Variants in YWHAE observed in about 807,000 individuals in gnomAD.
YWHAE encodes 14-3-3 protein epsilon.
A neutral mutation model predicts 30.1 loss-of-function variants in YWHAE; 4 were observed. That is an observed-to-expected ratio of 0.13 (90% CI 0.07 to 0.30). YWHAE has a LOEUF of 0.30. Ranked by LOEUF, YWHAE falls within the 10% of genes least tolerant of loss-of-function variation. The probability of loss-of-function intolerance (pLI) is 1.00; values close to 1 mark genes in which losing one functional copy is unlikely to be tolerated. For synonymous variants in YWHAE, 118 were observed against 111.8 expected, an observed-to-expected ratio of 1.06 and a Z score of -0.35; for missense variants, 121 against 315.9, an observed-to-expected ratio of 0.38 and a Z score of 4.68.
intron 2 of YWHAE, among the ~76,000 whole-genome samples, chr17:1,363,206 T>G: frequency 6.6e-6 from 1 of 152,148 alleles, no homozygotes; most frequent in East Asian, 1.9e-4. Flanking sequence ...TTTCAGTTCC[T>G]CTTCTCTTAT....
intron 4 of YWHAE, among the ~76,000 whole-genome samples, chr17:1,360,608 C>CA (rs147214674): frequency 0.048 from 7,325 of 151,574 alleles, 250 homozygotes; most frequent in Middle Eastern, 0.071. Flanking sequence ...ACTAAAAATA[C>CA]AAAAAAAATT....
rs1428998177 is a variant in YWHAE at position 1,400,168 on chromosome 17, C to T, written c.-58G>A. On this transcript the variant is annotated 5_prime_UTR_variant, in exon 1 of 6. Coordinates refer to ENST00000264335, the MANE Select transcript of YWHAE (RefSeq NM_006761.5). Reference sequence around the variant, plus strand: ...GGATGGAAGCGGATAGTGTCTCCGACTCTCTCAGCCTCTCGCTCCGCGTCC... The same window carrying T: ...GGATGGAAGCGGATAGTGTCTCCGATTCTCTCAGCCTCTCGCTCCGCGTCC... The T allele has an allele frequency of 2.5e-6, 4 of 1,593,146 alleles. No individual in the cohort carries two copies. The highest frequency in any genetic ancestry group is 1.1e-5 in the South Asian group (1 of 90,694).
chr17:1,366,126 G>A lies in YWHAE; in HGVS notation c.65-1068C>T, dbSNP rs576695794. On this transcript the variant is annotated intron_variant, in intron 1 of 5. Transcript: ENST00000264335. The stretch of plus-strand genomic sequence containing the variant: ...AGGTACTCTAGAGACTGAGACAGGA[G>A]AATCGCTTGAACCCAGAAGGTGGAG... Among the ~76,000 whole-genome samples the A allele has an allele frequency of 1.3e-4, 19 of 151,076 alleles. No individual in the cohort carries two copies. The East Asian group carries it at 3.3e-3, about 26-fold the overall frequency.
chr17:1,352,208 G>C (rs7224258), intron 5 of YWHAE: 43,179 of 151,972 alleles, frequency 0.28, 6,263 homozygotes, highest in South Asian at 0.38. Context: ...ATCTGGCACT[G>C]TTGCAAGTGT....
At chr17:1,371,005 T>TA (rs912141109) in intron 1 of YWHAE, among the ~76,000 whole-genome samples, 1 of 151,748 alleles carries the variant, frequency 6.6e-6, no homozygotes, top group Non-Finnish European at 1.5e-5. Flanking sequence ...TCTCAAAAAA[T>TA]AAAAAATCAA....
At chr17:1,380,857 A>C (rs1225537423) in intron 1 of YWHAE, among the ~76,000 whole-genome samples, 6 of 152,162 alleles carry the variant, frequency 3.9e-5, no homozygotes, top group Admixed American at 3.9e-4. Context: ...TTATCCCCCA[A>C]TTAATGTCTC....
At chr17:1,390,291 C>G (rs2073370315) in intron 1 of YWHAE, among the ~76,000 whole-genome samples, 3 of 152,200 alleles carry the variant, frequency 2.0e-5, no homozygotes, top group African/African-American at 7.2e-5. Context: ...TGGGAATAAT[C>G]TGGACGACCT....
At chr17:1,364,826 G>A (rs778254485) in intron 2 of YWHAE, 33 bp downstream of exon 2, 2 of 1,613,290 alleles carry the variant, frequency 1.2e-6, no homozygotes, top group Non-Finnish European at 1.7e-6. Flanking sequence ...CTCAAACTGT[G>A]GATAAGGGGG....
intron 1 of YWHAE, among the ~76,000 whole-genome samples, chr17:1,393,264 T>A (rs2073416280): frequency 6.7e-6 from 1 of 149,778 alleles, no homozygotes; most frequent in Non-Finnish European, 1.5e-5. Flanking sequence ...GAGGCTGCAG[T>A]GAGCCAAGAT....
At chr17:1,346,799 A>G (rs376776883) in intron 5 of YWHAE, among the ~76,000 whole-genome samples, 1 of 151,888 alleles carries the variant, frequency 6.6e-6, no homozygotes, top group African/African-American at 2.4e-5. Flanking sequence ...ATCCTGGCTA[A>G]CACAGTAAAT....
At chr17:1,348,113 G>A (rs1328566261) in intron 5 of YWHAE, 6 of 469,736 alleles carry the variant, frequency 1.3e-5, no homozygotes, top group African/African-American at 2.1e-5. Flanking sequence ...TACAGGAGCC[G>A]GACTTTGGTC....
At position 1,362,905 on chromosome 17, in the gene YWHAE, A is replaced by G. The variant is rs754629975; in HGVS notation, c.265-897T>C. Among the ~76,000 whole-genome samples, 14 of 152,244 alleles carry G rather than the reference A, an allele frequency of 9.2e-5. 1 individual carries two copies. The highest frequency in any genetic ancestry group is 8.3e-4 in the South Asian group (4 of 4,822). ...GTTCTCCTAGCTCCTTGCATACTCA[A>G]TGACTGCTCTATTACTCCAAACTCT... On this transcript the variant is annotated intron_variant, in intron 2 of 5. Coordinates refer to ENST00000264335, the MANE Select transcript of YWHAE (RefSeq NM_006761.5).
intron 2 of YWHAE, among the ~76,000 whole-genome samples, chr17:1,362,250 A>G (rs1480028607): frequency 6.6e-6 from 1 of 151,992 alleles, no homozygotes; most frequent in East Asian, 1.9e-4. Flanking sequence ...GCACGCACAC[A>G]CGCCAGCCCC....
At chr17:1,356,163 C>T (rs1429392544) in intron 4 of YWHAE, among the ~76,000 whole-genome samples, 2 of 136,506 alleles carry the variant, frequency 1.5e-5, no homozygotes, top group Non-Finnish European at 3.3e-5. Context: ...AGCAAGACTC[C>T]GTCTAAAAAC....
chr17:1,393,182 AACAT>A (rs2073414812), intron 1 of YWHAE, among the ~76,000 whole-genome samples: 1 of 150,812 alleles, frequency 6.6e-6, no homozygotes, highest in South Asian at 2.1e-4. Flanking sequence ...AAAATTTAAA[AACAT>A]ACAAACAAAC....
intron 4 of YWHAE, among the ~76,000 whole-genome samples, chr17:1,354,565 A>T (rs2072695793): frequency 6.6e-6 from 1 of 152,214 alleles, no homozygotes; most frequent in Non-Finnish European, 1.5e-5. Context: ...TATAATATAC[A>T]TATCGACTAA....
chr17:1,375,338 T>C (rs1263185633), intron 1 of YWHAE, among the ~76,000 whole-genome samples: 1 of 152,182 alleles, frequency 6.6e-6, no homozygotes, highest in Non-Finnish European at 1.5e-5. Context: ...CAGTAGAGGA[T>C]GAACTCCAAC....
chr17:1,384,414 G>A (rs750383739), intron 1 of YWHAE, among the ~76,000 whole-genome samples: 17 of 151,634 alleles, frequency 1.1e-4, no homozygotes, highest in African/African-American at 3.4e-4. Context: ...ATGCTCGACC[G>A]GGCGCGGTGG....
intron 1 of YWHAE, among the ~76,000 whole-genome samples, chr17:1,367,514 A>AC (rs1417188262): frequency 4.6e-5 from 7 of 151,912 alleles, no homozygotes. Flanking sequence ...GAACTGCTTG[A>AC]CCCCAGGAAT....
Sources: allele counts gnomAD v4.1 joint callset (sites outside exome capture counted in the v4.1 genomes callset), GRCh38; gene constraint gnomAD v4.1.1; transcripts MANE v1.5; gene names NCBI Gene and HGNC (gene_info 2026-07-23, HGNC 2026-07-21).